ABCB5: variants seen among roughly 807,000 people sequenced by gnomAD.
ABCB5 encodes the protein ATP binding cassette subfamily B member 5, also known as ATP-binding cassette sub-family B member 5.
Under a neutral mutation model 144.2 loss-of-function variants are expected in ABCB5, and 155 were observed. The observed-to-expected ratio is 1.08, with a 90% CI of 0.94 to 1.23. The LOEUF is 1.23. ABCB5 is among the 50% of genes most tolerant of loss of function. The probability of loss-of-function intolerance (pLI) is 0.00; values close to 1 mark genes in which losing one functional copy is unlikely to be tolerated. For synonymous variants in ABCB5, 610 were observed against 528.6 expected, an observed-to-expected ratio of 1.15 and a Z score of -2.11; for missense variants, 1,830 against 1,520.8, an observed-to-expected ratio of 1.20 and a Z score of -3.38.
chr7:20,683,503 G>A (rs1785892519), intron 15 of ABCB5, among the ~76,000 whole-genome samples: 1 of 152,014 alleles, frequency 6.6e-6, no homozygotes, highest in Non-Finnish European at 1.5e-5. Flanking sequence ...ATCTTTCTTT[G>A]GAGTAGTACA....
chr7:20,666,657 CTTTG>C (rs748317480), intron 14 of ABCB5: 25 of 1,420,246 alleles, frequency 1.8e-5, no homozygotes, highest in Non-Finnish European at 2.1e-5. Context: ...TCCTGGTGAC[CTTTG>C]TTTGGTCAAA....
rs1410488384 is a variant in ABCB5 at position 20,710,381 on chromosome 7, AGTG to A, written c.2421+5576_2421+5578del. 1.9e-3 allele frequency among the ~76,000 whole-genome samples: 108 copies of A among 56,740 alleles called. 10 individuals are homozygous for A. The highest frequency in any genetic ancestry group is 7.9e-3 in the African/African-American group (103 of 13,044). 37.2% of individuals were successfully genotyped at this position (56,740 alleles called of 152,430 possible). A position where few individuals can be genotyped will look rare whatever the true frequency, so the allele number is the denominator to read the frequency against. On this transcript the variant is annotated intron_variant, in intron 20 of 27. Coordinates refer to ENST00000404938, the MANE Select transcript of ABCB5 (RefSeq NM_001163941.2). Reference sequence around the variant, plus strand: ...AAACTCCACCTCAAAAAAAAAAAAAAGTGGGGGGGGGGCATGACTGTGTTTCAA... The same window carrying A: ...AAACTCCACCTCAAAAAAAAAAAAAAGGGGGGGGGCATGACTGTGTTTCAA...
rs537885442 is a variant in ABCB5, at chr7:20,711,776, T to TTCTCTCTCTCTTTCTTTCTCTCTCTC, written c.2421+6974_2421+6975insCTCTCTTTCTTTCTCTCTCTCTCTCT. 5.6e-3 allele frequency among the ~76,000 whole-genome samples: 237 copies of TTCTCTCTCTCTTTCTTTCTCTCTCTC among 42,166 alleles called. 76 individuals are homozygous for TTCTCTCTCTCTTTCTTTCTCTCTCTC. Among genetic ancestry groups the TTCTCTCTCTCTTTCTTTCTCTCTCTC allele is most frequent in the Admixed American group, 0.026 (102 of 3,922 alleles). 27.7% of individuals were successfully genotyped at this position (42,166 alleles called of 152,430 possible). A position where few individuals can be genotyped will look rare whatever the true frequency, so the allele number is the denominator to read the frequency against. On this transcript the variant is annotated intron_variant, in intron 20 of 27. Coordinates refer to ENST00000404938, the MANE Select transcript of ABCB5 (RefSeq NM_001163941.2). ...GCCCAGCCTGCCTGCCTTTCCTTCT[T>TTCTCTCTCTCTTTCTTTCTCTCTCTC]TCTCTTTCTTTCTTTCTTTCTTTCT...
intron 19 of ABCB5, 29 bp downstream of exon 19, chr7:20,700,164 T>C: frequency 6.6e-7 from 1 of 1,517,900 alleles, no homozygotes; most frequent in Non-Finnish European, 8.9e-7. Flanking sequence ...TTTTTTTTAT[T>C]TTATTTAAAA....
Position 20,745,362 on chromosome 7 carries a change from G to A in ABCB5, c.3353G>A (p.Arg1118His), listed in dbSNP as rs747248780. 2.3e-5 allele frequency: 37 copies of A among 1,614,042 alleles called. No individual in the cohort carries two copies. The highest frequency in any genetic ancestry group is 1.6e-4 in the East Asian group (7 of 44,894). The change falls in exon 26 of 28, where the codon CGT (arginine) becomes CAT (histidine). Residue 1118 changes from arginine (R) to histidine (H), a missense_variant. Transcript: ENST00000404938. ...AENIAYGDNS[R>H]VVPLDEIKEA... ...AACATCGCCTATGGTGACAACAGCC[G>A]TGTGGTGCCATTAGATGAGATCAAA...
At chr7:20,722,029 G>A (rs1188449362) in intron 20 of ABCB5, among the ~76,000 whole-genome samples, 1 of 152,114 alleles carries the variant, frequency 6.6e-6, no homozygotes, top group Non-Finnish European at 1.5e-5. Flanking sequence ...TATTGATTTT[G>A]TATAAAATTC....
chr7:20,658,066 AT>A (rs1246074769), intron 13 of ABCB5, among the ~76,000 whole-genome samples: 1 of 151,952 alleles, frequency 6.6e-6, no homozygotes, highest in African/African-American at 2.4e-5. Context: ...TTTGGTAGCA[AT>A]TTTTTTTCAT....
intron 24 of ABCB5, among the ~76,000 whole-genome samples, chr7:20,739,850 C>A (rs1360154828): frequency 6.6e-6 from 1 of 151,898 alleles, no homozygotes; most frequent in Non-Finnish European, 1.5e-5. Flanking sequence ...TGCACACAAA[C>A]AAATTTAGCC....
At chr7:20,752,708 A>G (rs1474489316) in intron 26 of ABCB5, among the ~76,000 whole-genome samples, 1 of 152,140 alleles carries the variant, frequency 6.6e-6, no homozygotes, top group Non-Finnish European at 1.5e-5. Context: ...TTAGCCAGGC[A>G]TGGTGGTGGG....
In ABCB5 at chr7:20,756,122, A is replaced by G. The variant is rs1386257640; in HGVS notation, c.*498A>G. 1.3e-5 allele frequency: 2 copies of G among 153,892 alleles called. No individual in the cohort carries two copies. Among genetic ancestry groups the G allele is most frequent in the African/African-American group, 4.8e-5 (2 of 41,462 alleles). 9.5% of individuals were successfully genotyped at this position (153,892 alleles called of 1,614,324 possible). ...CTCCAGACCGTAGGGATTTCTCTCA[A>G]TAAGTATTCACTATTTCTCTAAATT... On this transcript the variant is annotated 3_prime_UTR_variant, in exon 28 of 28. Coordinates refer to ENST00000404938, the MANE Select transcript of ABCB5 (RefSeq NM_001163941.2).
intron 14 of ABCB5, among the ~76,000 whole-genome samples, chr7:20,670,436 A>C (rs1248565525): frequency 6.6e-6 from 1 of 152,084 alleles, no homozygotes; most frequent in African/African-American, 2.4e-5. Flanking sequence ...AGCACATGTC[A>C]CCGATGAGCC....
At chr7:20,693,603 A>T (rs1375314314) in intron 16 of ABCB5, among the ~76,000 whole-genome samples, 2 of 152,152 alleles carry the variant, frequency 1.3e-5, no homozygotes, top group African/African-American at 4.8e-5. Context: ...TTAAAGTGAT[A>T]CTGAGAAAGA....
rs1018254678 is a variant in ABCB5 at position 20,723,021 on chromosome 7, A to G, written c.2427A>G (p.Thr809=). The change falls in exon 21 of 28, where the codon ACA becomes ACG. Residue 809 remains threonine (T), a synonymous_variant. Coordinates refer to ENST00000404938, the MANE Select transcript of ABCB5 (RefSeq NM_001163941.2). ...AIDIAQIQGA[T]GSRIGVLTQN... is the part of the protein sequence containing the mutation. The stretch of plus-strand genomic sequence containing the variant: ...CAAAATATGTCTGATTATAGGCAAC[A>G]GGTTCCAGGATTGGCGTCTTAACAC... 2 of 1,614,050 alleles carry G rather than the reference A, an allele frequency of 1.2e-6. No homozygotes were observed. The highest frequency in any genetic ancestry group is 1.7e-5 in the Admixed American group (1 of 60,008).
intron 12 of ABCB5, among the ~76,000 whole-genome samples, 182 bp downstream of exon 12, chr7:20,650,329 A>G (rs1397805947): frequency 6.6e-6 from 1 of 152,234 alleles, no homozygotes; most frequent in Non-Finnish European, 1.5e-5. Context: ...TGTGTCAGGC[A>G]CTGTTTTAGG....
At chr7:20,630,102 A>T (rs1784006295) in intron 4 of ABCB5, among the ~76,000 whole-genome samples, 1 of 151,924 alleles carries the variant, frequency 6.6e-6, no homozygotes, top group South Asian at 2.1e-4. Context: ...AATTCCAGTG[A>T]TTTTCCTATG....
At chr7:20,701,745 C>A (rs547901980) in intron 19 of ABCB5, among the ~76,000 whole-genome samples, 1 of 152,320 alleles carries the variant, frequency 6.6e-6, no homozygotes, top group East Asian at 1.9e-4. Flanking sequence ...AAGACTTGCA[C>A]AGAAAGTCTA....
chr7:20,710,383 TG>T lies in ABCB5; in HGVS notation c.2421+5586del, dbSNP rs370218679. Among the ~76,000 whole-genome samples the T allele has an allele frequency of 8.4e-4, 58 of 69,072 alleles. 5 individuals are homozygous for T. The highest frequency in any genetic ancestry group is 1.0e-3 in the African/African-American group (18 of 17,932). The allele number at this position is 69,072 out of a possible 152,430, so 45.3% of individuals were successfully genotyped here. ...ACTCCACCTCAAAAAAAAAAAAAAG[TG>T]GGGGGGGGGCATGACTGTGTTTCAA... is the stretch of plus-strand genomic sequence containing the variant. On this transcript the variant is annotated intron_variant, in intron 20 of 27. Transcript: ENST00000404938.
chr7:20,685,464 A>G (rs1450299119), intron 15 of ABCB5, among the ~76,000 whole-genome samples: 1 of 152,196 alleles, frequency 6.6e-6, no homozygotes, highest in Non-Finnish European at 1.5e-5. Flanking sequence ...GCAGGTGATT[A>G]TACATGTCTT....
At chr7:20,731,577 C>T (rs1782223319) in intron 23 of ABCB5, among the ~76,000 whole-genome samples, 1 of 151,936 alleles carries the variant, frequency 6.6e-6, no homozygotes, top group African/African-American at 2.4e-5. Context: ...GAGCACAAGA[C>T]CCTTATCCAA....
Sources: allele counts gnomAD v4.1 joint callset (sites outside exome capture counted in the v4.1 genomes callset), GRCh38; gene constraint gnomAD v4.1.1; transcripts MANE v1.5; gene names NCBI Gene and HGNC (gene_info 2026-07-23, HGNC 2026-07-21).